Variants in IPCEF1 observed in about 807,000 individuals in gnomAD.
IPCEF1 encodes interactor protein for cytohesin exchange factors 1.
A neutral mutation model predicts 50.9 loss-of-function variants in IPCEF1; 31 were observed. That is an observed-to-expected ratio of 0.61 (90% CI 0.46 to 0.82). The LOEUF (loss-of-function observed/expected upper bound fraction) is 0.82. Ranked by LOEUF, IPCEF1 falls within the 40% of genes least tolerant of loss-of-function variation. IPCEF1 has a pLI of 0.00. For synonymous variants in IPCEF1, 181 were observed against 192.0 expected, an observed-to-expected ratio of 0.94 and a Z score of 0.47; for missense variants, 458 against 514.0, an observed-to-expected ratio of 0.89 and a Z score of 1.05.
chr6:154,272,207 C>T (rs1432312194), intron 2 of IPCEF1, among the ~76,000 whole-genome samples: 1 of 152,190 alleles, frequency 6.6e-6, no homozygotes, highest in East Asian at 1.9e-4. Flanking sequence ...AGTGTGCATG[C>T]TTAGTAAGTG....
At chr6:154,284,817 T>C (rs574331222) in intron 2 of IPCEF1, among the ~76,000 whole-genome samples, 1 of 152,160 alleles carries the variant, frequency 6.6e-6, no homozygotes, top group East Asian at 1.9e-4. Flanking sequence ...CTGGCCAACA[T>C]AGTGAAACCC....
At chr6:154,246,865 AC>A in intron 4 of IPCEF1, 105 bp from the exon 5 acceptor site, 4 of 1,254,910 alleles carry the variant, frequency 3.2e-6, no homozygotes, top group South Asian at 2.2e-5. Context: ...TTAATTGTTA[AC>A]CCCCCGGGGA....
intron 1 of IPCEF1, among the ~76,000 whole-genome samples, chr6:154,313,845 G>A (rs1378177133): frequency 6.6e-6 from 1 of 152,040 alleles, no homozygotes; most frequent in Admixed American, 6.6e-5. Context: ...CAGGACTCAG[G>A]CAATCCTCCC....
chr6:154,243,377 T>C (rs1780755748), intron 5 of IPCEF1, among the ~76,000 whole-genome samples: 1 of 152,200 alleles, frequency 6.6e-6, no homozygotes, highest in South Asian at 2.1e-4. Context: ...CTCTGTGGCG[T>C]GAAAAATGGC....
chr6:154,179,646 T>C (rs1231346839), intron 10 of IPCEF1, among the ~76,000 whole-genome samples: 1 of 152,244 alleles, frequency 6.6e-6, no homozygotes, highest in Non-Finnish European at 1.5e-5. Context: ...GAAGGCACTT[T>C]AAAGTCTGTC....
At chr6:154,320,985 C>A (rs994040099) in intron 1 of IPCEF1, among the ~76,000 whole-genome samples, 1 of 151,964 alleles carries the variant, frequency 6.6e-6, no homozygotes, top group Non-Finnish European at 1.5e-5. Context: ...CAGGCTGGAG[C>A]ACAGTGGTAC....
intron 10 of IPCEF1, among the ~76,000 whole-genome samples, chr6:154,179,618 G>T (rs1219994835): frequency 6.6e-6 from 1 of 152,146 alleles, no homozygotes; most frequent in Non-Finnish European, 1.5e-5. Context: ...AAAACAGCAG[G>T]ACTTTGATTC....
chr6:154,317,678 A>G (rs2128685004), intron 1 of IPCEF1, among the ~76,000 whole-genome samples: 1 of 152,192 alleles, frequency 6.6e-6, no homozygotes, highest in South Asian at 2.1e-4. Flanking sequence ...ATAAAACCAC[A>G]ATGAGATACC....
At chr6:154,199,642 G>T in intron 10 of IPCEF1, 26 bp downstream of exon 10, 1 of 1,553,014 alleles carries the variant, frequency 6.4e-7, no homozygotes, top group Non-Finnish European at 8.7e-7. Context: ...ACTCTCTAAC[G>T]AAGAATAAAT....
intron 9 of IPCEF1, among the ~76,000 whole-genome samples, chr6:154,204,450 CA>C (rs757305355): frequency 2.6e-5 from 4 of 152,086 alleles, no homozygotes; most frequent in Non-Finnish European, 4.4e-5. Flanking sequence ...GCCATATTAG[CA>C]AAAACAAAAA....
intron 3 of IPCEF1, among the ~76,000 whole-genome samples, chr6:154,261,931 G>A (rs572605650): frequency 6.6e-6 from 1 of 152,284 alleles, no homozygotes; most frequent in South Asian, 2.1e-4. Context: ...TGTAATTCAA[G>A]ATGTGATTAG....
chr6:154,292,597 G>A (rs1217826120), intron 1 of IPCEF1, among the ~76,000 whole-genome samples: 2 of 152,076 alleles, frequency 1.3e-5, no homozygotes, highest in Non-Finnish European at 1.5e-5. Context: ...CTATTTTCAG[G>A]TCAAATAAAT....
At chr6:154,352,752 C>T (rs190490724) in intron 1 of IPCEF1, among the ~76,000 whole-genome samples, 46 of 152,196 alleles carry the variant, frequency 3.0e-4, no homozygotes, top group Admixed American at 2.7e-3. Context: ...ACGGCAGGGC[C>T]AAGATTCTAA....
chr6:154,243,166 G>A (rs1780736985), intron 5 of IPCEF1, among the ~76,000 whole-genome samples: 1 of 152,200 alleles, frequency 6.6e-6, no homozygotes, highest in South Asian at 2.1e-4. Flanking sequence ...GGGTAGGGCT[G>A]ACAAGTGTGA....
intron 5 of IPCEF1, among the ~76,000 whole-genome samples, chr6:154,228,846 C>T (rs1222238375): frequency 6.6e-6 from 1 of 152,186 alleles, no homozygotes; most frequent in African/African-American, 2.4e-5. Flanking sequence ...TGAGATGGTG[C>T]CACTTGCACT....
intron 3 of IPCEF1, among the ~76,000 whole-genome samples, chr6:154,251,704 A>G (rs1217918921): frequency 6.6e-6 from 1 of 152,228 alleles, no homozygotes; most frequent in African/African-American, 2.4e-5. Context: ...GAAGTAGGGC[A>G]GGGAAGCAAG....
In IPCEF1 at chr6:154,159,832, A is replaced by C. The variant is rs1449993666; in HGVS notation, c.1313T>G (p.Ile438Ser). 1.9e-6 allele frequency: 3 copies of C among 1,610,240 alleles called. No homozygotes were observed. The highest frequency in any genetic ancestry group is 1.3e-5 in the African/African-American group (1 of 74,696). ...SPSSPSVENSI is the reference protein window; with the variant it reads ...SPSSPSVENSS The stretch of plus-strand genomic sequence containing the variant: ...GGAGAAAACCCTGACTTTGTCTCAA[A>C]TGGAATTTTCAACAGAGGGAGAAGA... The change falls in exon 12 of 12, where the codon ATT (isoleucine) becomes AGT (serine). Residue 438 changes from isoleucine to serine, a missense_variant. By Grantham distance (142) the Ile-to-Ser change is moderately radical. Transcript: ENST00000367220.
At position 154,187,554 on chromosome 6, in the gene IPCEF1, G is replaced by A. The variant is rs149717363; in HGVS notation, c.910+12114C>T. On this transcript the variant is annotated intron_variant, in intron 10 of 11. Coordinates refer to ENST00000367220, the MANE Select transcript of IPCEF1 (RefSeq NM_001130700.2). ...GTTTCTAGCATTAGGTGGGTGACCT[G>A]TACTACCTCACCAGTAGTTATTGAA... is the stretch of plus-strand genomic sequence containing the variant. 6.5e-3 allele frequency among the ~76,000 whole-genome samples: 984 copies of A among 152,314 alleles called. 6 individuals are homozygous for A. Among genetic ancestry groups the A allele is most frequent in the African/African-American group, 0.023 (944 of 41,554 alleles).
At chr6:154,250,427 T>C (rs1781309130) in intron 3 of IPCEF1, among the ~76,000 whole-genome samples, 1 of 152,248 alleles carries the variant, frequency 6.6e-6, no homozygotes, top group East Asian at 1.9e-4. Context: ...TCTAAAAATC[T>C]GATTTTGCCC....
Sources: gnomAD v4.1 joint callset for allele counts (sites outside exome capture counted in the v4.1 genomes callset) on GRCh38, gnomAD v4.1.1 for gene constraint, MANE v1.5 for transcripts, NCBI Gene and HGNC (gene_info 2026-07-23, HGNC 2026-07-21) for gene names.